Variants in SNTG1 observed in about 807,000 individuals in gnomAD.
SNTG1 encodes the protein syntrophin gamma 1.
A neutral mutation model predicts 74.7 loss-of-function variants in SNTG1; 39 were observed. That is an observed-to-expected ratio of 0.52 (90% CI 0.40 to 0.68). The LOEUF (loss-of-function observed/expected upper bound fraction) is 0.68, where lower values mean the gene tolerates loss of function less well. SNTG1 is among the 30% of genes least tolerant of loss of function. The probability of loss-of-function intolerance (pLI) is 0.00; values close to 1 mark genes in which losing one functional copy is unlikely to be tolerated. For missense variants in SNTG1, 685 were observed against 609.5 expected, an observed-to-expected ratio of 1.12 and a Z score of -1.30; for synonymous variants, 254 against 217.1, an observed-to-expected ratio of 1.17 and a Z score of -1.49.
At chr8:50,185,611 AG>A (rs1193669517) in intron 2 of SNTG1, among the ~76,000 whole-genome samples, 2 of 152,216 alleles carry the variant, frequency 1.3e-5, no homozygotes, top group Non-Finnish European at 2.9e-5. Context: ...AAACTGCTTA[AG>A]GTCATATTTA....
At position 50,722,984 on chromosome 8, in the gene SNTG1, C is replaced by T. The variant is rs149637372; in HGVS notation, c.1284+14006C>T. On this transcript the variant is annotated intron_variant, in intron 17 of 18. Transcript: ENST00000642720. ...GTATTACATATTCTATTCTATAGTG[C>T]ATATTTTATCACTTCTCAACTTGCA... 3.8e-3 allele frequency among the ~76,000 whole-genome samples: 578 copies of T among 152,204 alleles called. 2 individuals are homozygous for T. Among genetic ancestry groups the T allele is most frequent in the African/African-American group, 0.013 (559 of 41,542 alleles).
chr8:50,602,313 G>A (rs1288846067), intron 13 of SNTG1, among the ~76,000 whole-genome samples: 1 of 151,158 alleles, frequency 6.6e-6, no homozygotes, highest in Non-Finnish European at 1.5e-5. Context: ...GTTGCCATGA[G>A]GATTGATAGA....
chr8:50,488,247 T>A (rs1219990432), intron 8 of SNTG1, among the ~76,000 whole-genome samples: 1 of 152,160 alleles, frequency 6.6e-6, no homozygotes, highest in African/African-American at 2.4e-5. Context: ...TCTGCAAGAT[T>A]TGCCACTGAC....
chr8:50,041,273 T>C (rs7817941), intron 1 of SNTG1, among the ~76,000 whole-genome samples: 133,304 of 152,240 alleles, frequency 0.88, 58,462 homozygotes, highest in East Asian at 0.99. Context: ...GAAGACATGT[T>C]CAAATGTCAA....
intron 2 of SNTG1, among the ~76,000 whole-genome samples, chr8:50,210,207 T>G (rs2084449792): frequency 6.6e-6 from 1 of 152,108 alleles, no homozygotes; most frequent in Non-Finnish European, 1.5e-5. Flanking sequence ...AAACAAAGCC[T>G]CCAAGAAATA....
In SNTG1 at chr8:50,168,085, AC is replaced by A. The variant is rs562154919; in HGVS notation, c.-102-4475del. 2.2e-3 allele frequency among the ~76,000 whole-genome samples: 335 copies of A among 152,254 alleles called. 1 individual carries two copies. The highest frequency in any genetic ancestry group is 4.3e-3 in the Non-Finnish European group (294 of 67,990). Reference sequence around the variant, plus strand: ...TGAAATGTAAAAATATAATTTAATTACAATTCCTTTAATTTGTATGATAACA... The same window carrying A: ...TGAAATGTAAAAATATAATTTAATTAAATTCCTTTAATTTGTATGATAACA... On this transcript the variant is annotated intron_variant, in intron 1 of 18. Transcript: ENST00000642720.
At chr8:50,656,355 T>C (rs1169330149) in intron 13 of SNTG1, among the ~76,000 whole-genome samples, 2 of 152,182 alleles carry the variant, frequency 1.3e-5, no homozygotes, top group South Asian at 2.1e-4. Flanking sequence ...CCATTTGATA[T>C]ATGAATACAC....
intron 2 of SNTG1, among the ~76,000 whole-genome samples, chr8:50,204,840 A>C (rs1377492701): frequency 6.6e-6 from 1 of 152,028 alleles, no homozygotes; most frequent in African/African-American, 2.4e-5. Flanking sequence ...TGTCCTTGTG[A>C]GAGTTTGCTG....
chr8:50,386,046 A>T (rs1463263800), intron 2 of SNTG1, among the ~76,000 whole-genome samples: 1 of 152,322 alleles, frequency 6.6e-6, no homozygotes, highest in Non-Finnish European at 1.5e-5. Context: ...TTGCAAAGGT[A>T]AGTTAAAGGT....
intron 17 of SNTG1, among the ~76,000 whole-genome samples, chr8:50,740,518 G>A (rs2095540623): frequency 6.6e-6 from 1 of 151,966 alleles, no homozygotes; most frequent in Non-Finnish European, 1.5e-5. Context: ...TAGAGAAAAA[G>A]GAAAGCTTTT....
intron 17 of SNTG1, among the ~76,000 whole-genome samples, chr8:50,729,208 T>A (rs969425798): frequency 1.3e-5 from 2 of 152,196 alleles, no homozygotes; most frequent in Non-Finnish European, 2.9e-5. Flanking sequence ...TCATCCCTGA[T>A]TCCAGGTGAA....
rs115385912 is a variant in SNTG1 at position 50,112,913 on chromosome 8, T to C, written c.-102-59648T>C. Among the ~76,000 whole-genome samples the C allele has an allele frequency of 8.4e-3, 1,281 of 152,156 alleles. 26 individuals are homozygous for C. The highest frequency in any genetic ancestry group is 0.029 in the African/African-American group (1,209 of 41,526). On this transcript the variant is annotated intron_variant, in intron 1 of 18. Transcript: ENST00000642720. ...AAATCAGATAGTTGTAAATGTGGGG[T>C]ATTATTTCTGAGGGCTCTATTCTGT... is the stretch of plus-strand genomic sequence containing the variant.
intron 2 of SNTG1, among the ~76,000 whole-genome samples, chr8:50,368,951 A>AG: frequency 6.6e-6 from 1 of 152,078 alleles, no homozygotes; most frequent in African/African-American, 2.4e-5. Context: ...TCAGCGCTGG[A>AG]GGGGAATTTT....
chr8:49,916,239 T>C (rs1460803108), intron 1 of SNTG1, among the ~76,000 whole-genome samples: 2 of 151,420 alleles, frequency 1.3e-5, no homozygotes, highest in Admixed American at 1.3e-4. Context: ...AAACATAAAA[T>C]GAAAAAGAAC....
intron 3 of SNTG1, among the ~76,000 whole-genome samples, chr8:50,397,362 A>G (rs962215605): frequency 6.6e-6 from 1 of 152,204 alleles, no homozygotes; most frequent in Non-Finnish European, 1.5e-5. Flanking sequence ...CGATATCTAA[A>G]CAATTTGGGT....
rs373590584 is a variant in SNTG1, at chr8:50,616,893, G to A, written c.849+25976G>A. The stretch of plus-strand genomic sequence containing the variant: ...CTCTTCCTCCGTCACGCAAGCCCCA[G>A]CTGTAGTGATCTACTTGCTACCCAT... On this transcript the variant is annotated intron_variant, in intron 13 of 18. Coordinates refer to ENST00000642720, the MANE Select transcript of SNTG1 (RefSeq NM_018967.5). Among the ~76,000 whole-genome samples, 233 of 152,062 alleles carry A rather than the reference G, an allele frequency of 1.5e-3. 3 individuals are homozygous for A. The South Asian group carries it at 0.02, about 13-fold the overall frequency.
intron 2 of SNTG1, among the ~76,000 whole-genome samples, chr8:50,294,943 A>G (rs1352648303): frequency 6.6e-6 from 1 of 152,088 alleles, no homozygotes; most frequent in African/African-American, 2.4e-5. Context: ...CACTAAAAAA[A>G]CTCCATCCAA....
chr8:50,438,506 G>A (rs1227310209), intron 4 of SNTG1, 37 bp from the exon 5 acceptor site: 9 of 1,584,268 alleles, frequency 5.7e-6, no homozygotes, highest in Non-Finnish European at 7.8e-6. Flanking sequence ...TATAGTATTA[G>A]GAAACACTAA....
At chr8:50,679,569 A>G (rs557296631) in intron 15 of SNTG1, among the ~76,000 whole-genome samples, 11 of 152,288 alleles carry the variant, frequency 7.2e-5, no homozygotes, top group African/African-American at 2.6e-4. Context: ...CCTTGAAGTG[A>G]TATCAGTCAT....
Sources: allele counts gnomAD v4.1 joint callset (sites outside exome capture counted in the v4.1 genomes callset), GRCh38; gene constraint gnomAD v4.1.1; transcripts MANE v1.5; gene names NCBI Gene and HGNC (gene_info 2026-07-23, HGNC 2026-07-21).